The following SYNE1 variants were observed in gnomAD, a reference collection of about 807,000 sequenced individuals.
SYNE1 encodes the protein nesprin-1.
SYNE1 carries 616 observed loss-of-function variants against 1,111.0 expected under a neutral mutation model. The observed-to-expected ratio is 0.55, with a 90% CI of 0.52 to 0.59. The LOEUF is 0.59. Ranked by LOEUF, SYNE1 falls within the 20% of genes least tolerant of loss-of-function variation. The probability of loss-of-function intolerance (pLI) is 0.00; values close to 1 mark genes in which losing one functional copy is unlikely to be tolerated. For synonymous variants in SYNE1, 3,855 were observed against 3,825.8 expected, an observed-to-expected ratio of 1.01 and a Z score of -0.28; for missense variants, 10,006 against 10,417.0, an observed-to-expected ratio of 0.96 and a Z score of 1.72.
At chr6:152,198,134 A>G (rs886352331) in intron 127 of SYNE1, among the ~76,000 whole-genome samples, 3 of 152,180 alleles carry the variant, frequency 2.0e-5, no homozygotes, top group African/African-American at 7.2e-5. Flanking sequence ...GATCTTAGCT[A>G]GATCTTCTGC....
chr6:152,218,725 A>T (rs2079348104), intron 120 of SYNE1, among the ~76,000 whole-genome samples: 1 of 152,218 alleles, frequency 6.6e-6, no homozygotes, highest in Non-Finnish European at 1.5e-5. Context: ...GAATATTTAT[A>T]TTAAAGCCGC....
intron 120 of SYNE1, 30 bp downstream of exon 120, chr6:152,218,973 T>C (rs775299200): frequency 6.2e-6 from 10 of 1,607,926 alleles, no homozygotes; most frequent in East Asian, 2.2e-5. Context: ...ACAGCCAATA[T>C]ACAGAAGATA....
intron 137 of SYNE1, 192 bp downstream of exon 137, chr6:152,147,853 G>A (rs184458200): frequency 2.1e-5 from 13 of 609,046 alleles, no homozygotes; most frequent in South Asian, 5.7e-5. Context: ...ACAAATCTAC[G>A]TGGAATAAAT....
chr6:152,289,238 T>G (rs998496793), intron 95 of SYNE1, among the ~76,000 whole-genome samples: 2 of 152,156 alleles, frequency 1.3e-5, no homozygotes, highest in East Asian at 1.9e-4. Flanking sequence ...ATGCATGCTT[T>G]TGGGTTTCTG....
intron 99 of SYNE1, 93 bp from the exon 100 acceptor site, chr6:152,268,258 T>C: frequency 3.0e-6 from 3 of 1,002,140 alleles, no homozygotes; most frequent in Non-Finnish European, 4.8e-6. Flanking sequence ...TCAGAGAACT[T>C]CGGTAGTGAG....
At position 152,364,984 on chromosome 6, in the gene SYNE1, C is replaced by G. The variant is rs780123701; in HGVS notation, c.10008G>C (p.Gln3336His). Residue 3336 changes from glutamine to histidine, a missense_variant, in exon 63 of 146, where the codon CAG becomes CAC. By Grantham distance (24) the Gln-to-His change is conservative (BLOSUM62 0). Around this residue, in one of 7 missense-constraint regions of SYNE1, gnomAD observed 4,955 missense variants for 5,017.2 expected, o/e 0.99. Transcript: ENST00000367255. ...CTCCCCTGGTCACTATCATTTTCAT[C>G]TGAATCTCTTTTTCCTGTTTGACTG... The part of the protein sequence containing the change: ...LLSVKQEKEI[Q>H]MKMIVTRGES... 5.6e-6 allele frequency: 9 copies of G among 1,614,122 alleles called. No homozygotes were observed. Among genetic ancestry groups the G allele is most frequent in the Non-Finnish European group, 7.6e-6 (9 of 1,180,046 alleles).
At chr6:152,215,586 T>C (rs1181843262) in intron 121 of SYNE1, among the ~76,000 whole-genome samples, 1 of 152,184 alleles carries the variant, frequency 6.6e-6, no homozygotes, top group Non-Finnish European at 1.5e-5. Flanking sequence ...ACCATTTACG[T>C]TTAATTTGTT....
intron 11 of SYNE1, among the ~76,000 whole-genome samples, chr6:152,493,564 T>C (rs1331359794): frequency 6.6e-6 from 1 of 152,146 alleles, no homozygotes; most frequent in Non-Finnish European, 1.5e-5. Context: ...ATTCAATATT[T>C]TGACAACCTT....
At chr6:152,294,739 T>C (rs1385270299) in intron 93 of SYNE1, among the ~76,000 whole-genome samples, 1 of 152,128 alleles carries the variant, frequency 6.6e-6, no homozygotes, top group Non-Finnish European at 1.5e-5. Context: ...AAAAACAAAG[T>C]GAATGATGAA....
intron 3 of SYNE1, among the ~76,000 whole-genome samples, chr6:152,610,620 A>T (rs1240185749): frequency 1.3e-5 from 2 of 152,184 alleles, no homozygotes; most frequent in Admixed American, 6.5e-5. Context: ...GCAGGCCAAC[A>T]TTCAAATACA....
intron 56 of SYNE1, among the ~76,000 whole-genome samples, chr6:152,378,805 A>C (rs1262159369): frequency 2.6e-5 from 4 of 152,148 alleles, no homozygotes; most frequent in Non-Finnish European, 5.9e-5. Flanking sequence ...GCAGACATTC[A>C]TCACAAGGAG....
intron 7 of SYNE1, among the ~76,000 whole-genome samples, 170 bp from the exon 8 acceptor site, chr6:152,510,541 C>A (rs2099080020): frequency 6.6e-6 from 1 of 152,108 alleles, no homozygotes; most frequent in African/African-American, 2.4e-5. Context: ...TTTGTACTTC[C>A]CATTGCACCC....
At chr6:152,596,262 G>GTTT (rs2099581166) in intron 3 of SYNE1, among the ~76,000 whole-genome samples, 2 of 113,664 alleles carry the variant, frequency 1.8e-5, no homozygotes, top group African/African-American at 6.8e-5. Flanking sequence ...ACAGTTTTTT[G>GTTT]TTTGTTTGTT....
rs781236317 is a variant in SYNE1 at position 152,133,426 on chromosome 6, G to A, written c.25851C>T (p.Cys8617=). Residue 8617 remains cysteine (C), a synonymous_variant, in exon 143 of 146, where the codon TGC becomes TGT. Transcript: ENST00000367255. ...LRVASLQDMS[C]QLLVNAEGTD... ...TTCCTTCAGCATTCACCAGTAGTTG[G>A]CAAGACATGTCTTGCAAAGAGGCTA... is the stretch of plus-strand genomic sequence containing the variant. The A allele has an allele frequency of 2.5e-6, 4 of 1,614,116 alleles. No homozygotes were observed. Among genetic ancestry groups the A allele is most frequent in the Non-Finnish European group, 3.4e-6 (4 of 1,180,036 alleles).
chr6:152,396,689 T>C (rs1265025036), intron 50 of SYNE1, 86 bp downstream of exon 50: 1 of 1,238,432 alleles, frequency 8.1e-7, no homozygotes, highest in African/African-American at 1.5e-5. Context: ...TCAAACGTTA[T>C]TTATTTATTC....
intron 91 of SYNE1, among the ~76,000 whole-genome samples, chr6:152,304,818 T>C (rs1323899971): frequency 1.3e-5 from 2 of 152,204 alleles, no homozygotes; most frequent in Admixed American, 1.3e-4. Flanking sequence ...CTTTAAAAAA[T>C]GCAACTCTGG....
intron 3 of SYNE1, among the ~76,000 whole-genome samples, chr6:152,624,917 C>G (rs1033006528): frequency 6.9e-6 from 1 of 144,064 alleles, no homozygotes; most frequent in Non-Finnish European, 1.5e-5. Flanking sequence ...GGGAGTAGTG[C>G]CAAGTTGCAA....
intron 41 of SYNE1, 86 bp from the exon 42 acceptor site, chr6:152,413,617 A>T: frequency 4.4e-6 from 6 of 1,349,420 alleles, no homozygotes; most frequent in African/African-American, 1.4e-5. Context: ...ATGAGTCCAT[A>T]AAGCACTCAT....
In SYNE1 at chr6:152,349,425, A is replaced by G. The variant is rs575314207; in HGVS notation, c.11901+743T>C. On this transcript the variant is annotated intron_variant, in intron 72 of 145. Coordinates refer to ENST00000367255, the MANE Select transcript of SYNE1 (RefSeq NM_182961.4). Reference sequence around the variant, plus strand: ...GGTATTGTTATCATCCTAAAGGAGAAAGGACAGACTCAGATAGGCTAAGTT... The same window carrying G: ...GGTATTGTTATCATCCTAAAGGAGAGAGGACAGACTCAGATAGGCTAAGTT... 6.6e-5 allele frequency among the ~76,000 whole-genome samples: 10 copies of G among 152,342 alleles called. No homozygotes were observed. The South Asian group carries it at 2.1e-3, about 32-fold the overall frequency.
Sources: gnomAD v4.1 joint callset for allele counts (sites outside exome capture counted in the v4.1 genomes callset) on GRCh38, gnomAD v4.1.1 for gene constraint, gnomAD v4.1.1 regional missense constraint, MANE v1.5 for transcripts, NCBI Gene and HGNC (gene_info 2026-07-23, HGNC 2026-07-21) for gene names.